The following MNT variants were observed in gnomAD, a reference collection of about 807,000 sequenced individuals.
The protein encoded by MNT is max-binding protein MNT.
A neutral mutation model predicts 40.7 loss-of-function variants in MNT; 13 were observed. That is an observed-to-expected ratio of 0.32 (90% CI 0.21 to 0.51). The LOEUF is 0.51. Ranked by LOEUF, MNT falls within the 20% of genes least tolerant of loss-of-function variation. The probability of loss-of-function intolerance (pLI) is 0.98; values close to 1 mark genes in which losing one functional copy is unlikely to be tolerated. For synonymous variants in MNT, 426 were observed against 354.8 expected (o/e 1.20, Z -2.26); for missense variants, 757 against 792.0 (o/e 0.96, Z 0.53).
intron 1 of MNT, 21 bp from the exon 2 acceptor site, chr17:2,395,475 G>C (rs368248365): frequency 4.1e-5 from 66 of 1,608,702 alleles, no homozygotes; most frequent in Non-Finnish European, 5.2e-5. Context: ...AGAACACAAG[G>C]GGGGGAGGGT....
intron 1 of MNT, among the ~76,000 whole-genome samples, chr17:2,399,183 G>A (rs1303778049): frequency 1.3e-5 from 2 of 152,074 alleles, no homozygotes; most frequent in Non-Finnish European, 2.9e-5. Context: ...GGGCGGGGAG[G>A]GCACAGGAGT....
intron 4 of MNT, among the ~76,000 whole-genome samples, chr17:2,388,612 C>T (rs996154700): frequency 1.3e-5 from 2 of 152,082 alleles, no homozygotes; most frequent in African/African-American, 4.8e-5. Flanking sequence ...CGCTTCTCGA[C>T]GAGGCTCCAT....
rs1449353076 is a variant in MNT at position 2,400,761 on chromosome 17, G to A, written c.-49C>T. The A allele has an allele frequency of 6.1e-6, 9 of 1,477,224 alleles. No individual in the cohort carries two copies. The highest frequency in any genetic ancestry group is 2.8e-5 in the East Asian group (1 of 35,248). 91.5% of individuals were successfully genotyped at this position (1,477,224 alleles called of 1,614,324 possible). A position where few individuals can be genotyped will look rare whatever the true frequency, so the allele number is the denominator to read the frequency against. ...CGCCGGGGCCGAGGCTGCGGCCCGC[G>A]AGCCGGGCACAGGTCAGGCTGGCGG... On this transcript the variant is annotated 5_prime_UTR_variant, in exon 1 of 6. Coordinates refer to ENST00000174618, the MANE Select transcript of MNT (RefSeq NM_020310.3).
intron 4 of MNT, chr17:2,393,824 CG>C: frequency 8.2e-6 from 2 of 242,598 alleles, no homozygotes; most frequent in African/African-American, 2.3e-5. Flanking sequence ...TCGGGAGCGG[CG>C]CGGGAGGGGA....
At position 2,386,664 on chromosome 17, in the gene MNT, G is replaced by A; in HGVS notation, c.*237C>T. The A allele has an allele frequency of 2.1e-6, 1 of 468,140 alleles. No homozygotes were observed. The highest frequency in any genetic ancestry group is 3.7e-6 in the Non-Finnish European group (1 of 267,220). The allele number at this position is 468,140 out of a possible 1,614,324, so 29.0% of individuals were successfully genotyped here. A position where few individuals can be genotyped will look rare whatever the true frequency, so the allele number is the denominator to read the frequency against. On this transcript the variant is annotated 3_prime_UTR_variant, in exon 6 of 6. Coordinates refer to ENST00000174618, the MANE Select transcript of MNT (RefSeq NM_020310.3). ...GGAGCTGGCACTGGGCCGGACAGGTGGCACATTCCATCAGAGTCTCGCATT... is the reference window on the plus strand; with the variant it reads ...GGAGCTGGCACTGGGCCGGACAGGTAGCACATTCCATCAGAGTCTCGCATT...
chr17:2,386,955 A>C lies in MNT; in HGVS notation c.1695T>G (p.Pro565=), dbSNP rs1184091632. 2 of 1,505,620 alleles carry C rather than the reference A, an allele frequency of 1.3e-6. No homozygotes were observed. The highest frequency in any genetic ancestry group is 4.7e-5 in the East Asian group (2 of 42,448). 93.3% of individuals were successfully genotyped at this position (1,505,620 alleles called of 1,614,324 possible). ...AGGAGGGCATGGTGACCATGGTCAC[A>C]GGGTTGAGCACGGTCTGGCCCACCA... is the stretch of plus-strand genomic sequence containing the variant. The part of the protein sequence containing the change: ...PQLVGQTVLN[P]VTMVTMPSFP... The change falls in exon 6 of 6, where the codon CCT becomes CCG. Residue 565 remains proline, a synonymous_variant. Transcript: ENST00000174618.
At chr17:2,388,097 G>A in intron 4 of MNT, 48 bp from the exon 5 acceptor site, 1 of 1,495,916 alleles carries the variant, frequency 6.7e-7, no homozygotes, top group Non-Finnish European at 9.0e-7. Flanking sequence ...CAGCAGCCTT[G>A]GGGCCCAAAG....
intron 4 of MNT, chr17:2,388,368 G>A (rs1199010495): frequency 8.9e-6 from 3 of 336,136 alleles, no homozygotes; most frequent in Non-Finnish European, 1.6e-5. Context: ...TCCTCCAGCA[G>A]CCTCTTCACT....
At position 2,395,437 on chromosome 17, in the gene MNT, G is replaced by C; in HGVS notation, c.91C>G (p.Arg31Gly). The C allele has an allele frequency of 1.9e-6, 3 of 1,612,490 alleles. No individual in the cohort carries two copies. Among genetic ancestry groups the C allele is most frequent in the Non-Finnish European group, 1.7e-6 (2 of 1,179,600 alleles). ...QRAREEQERL[R>G]LEQEREQEQK... ...TCCTGCTCTCGCTCCTGCTCCAAGC[G>C]AAGCCGCTCCTGCTCCTCTACACAG... The change falls in exon 2 of 6, where the codon CGC becomes GGC. Residue 31 changes from arginine (R) to glycine (G), a missense_variant. By Grantham distance (125) the Arg-to-Gly change is moderately radical. Coordinates refer to ENST00000174618, the MANE Select transcript of MNT (RefSeq NM_020310.3).
At chr17:2,394,225 G>A in intron 3 of MNT, 71 bp from the exon 4 acceptor site, 1 of 1,594,368 alleles carries the variant, frequency 6.3e-7, no homozygotes, top group Non-Finnish European at 8.5e-7. Flanking sequence ...CAGGACCGGG[G>A]AAGCTGGGGC....
At chr17:2,390,818 A>C (rs1462388086) in intron 4 of MNT, 6 of 152,250 alleles carry the variant, frequency 3.9e-5, no homozygotes, top group Admixed American at 3.9e-4. Flanking sequence ...CCGGCAACAC[A>C]TAACCCAGGT....
intron 1 of MNT, 27 bp from the exon 2 acceptor site, chr17:2,395,481 A>G (rs1443564610): frequency 1.2e-6 from 2 of 1,606,514 alleles, no homozygotes; most frequent in South Asian, 2.2e-5. Flanking sequence ...CAAGGGGGGG[A>G]GGGTCTCAGC....
chr17:2,386,541 G>A lies in MNT; in HGVS notation c.*360C>T, dbSNP rs1176929404. On this transcript the variant is annotated 3_prime_UTR_variant, in exon 6 of 6. Coordinates refer to ENST00000174618, the MANE Select transcript of MNT (RefSeq NM_020310.3). The stretch of plus-strand genomic sequence containing the variant: ...TCACCAGACAGCAATAGCAGCAGCA[G>A]CACACGAAGGCGGGGCAGGGCGGGG... The A allele has an allele frequency of 4.1e-6, 1 of 246,150 alleles. No individual in the cohort carries two copies. The highest frequency in any genetic ancestry group is 7.8e-6 in the Non-Finnish European group (1 of 127,688). The allele number at this position is 246,150 out of a possible 1,614,324, so 15.2% of individuals were successfully genotyped here.
chr17:2,393,447 C>A (rs894514376), intron 4 of MNT, among the ~76,000 whole-genome samples: 1 of 152,244 alleles, frequency 6.6e-6, no homozygotes, highest in Non-Finnish European at 1.5e-5. Flanking sequence ...GGCTCGGCGG[C>A]CCCGGGGCTG....
rs2066452750 is a variant in MNT at position 2,385,759 on chromosome 17, T to A, written c.*1142A>T. 6.6e-6 allele frequency: 1 copy of A among 152,270 alleles called. No individual in the cohort carries two copies. Among genetic ancestry groups the A allele is most frequent in the Admixed American group, 6.5e-5 (1 of 15,284 alleles). 9.4% of individuals were successfully genotyped at this position (152,270 alleles called of 1,614,324 possible). On this transcript the variant is annotated 3_prime_UTR_variant, in exon 6 of 6. Transcript: ENST00000174618. Reference sequence around the variant, plus strand: ...GCCCTAGCTCTGGCCCTCTGTTCTGTATAGGTCCCAGGGTTGGTCTGGGGA... The same window carrying A: ...GCCCTAGCTCTGGCCCTCTGTTCTGAATAGGTCCCAGGGTTGGTCTGGGGA...
At chr17:2,397,196 C>T (rs2066584223) in intron 1 of MNT, among the ~76,000 whole-genome samples, 2 of 152,190 alleles carry the variant, frequency 1.3e-5, no homozygotes, top group African/African-American at 4.8e-5. Context: ...CAGGCCTGCT[C>T]CAGTGCGGGG....
chr17:2,388,341 G>T, intron 4 of MNT: 1 of 387,206 alleles, frequency 2.6e-6, no homozygotes, highest in South Asian at 4.9e-5. Flanking sequence ...GGGCTTCTCC[G>T]CCTCTCGCCC....
At position 2,386,582 on chromosome 17, in the gene MNT, G is replaced by GT. The variant is rs2066463726; in HGVS notation, c.*318dup. The GT allele has an allele frequency of 6.2e-6, 2 of 323,460 alleles. No homozygotes were observed. The allele number at this position is 323,460 out of a possible 1,614,324, so 20.0% of individuals were successfully genotyped here. Reference sequence around the variant, plus strand: ...CAGGGCGGGGGAGAAGTCAGGGAGCGTGACGTCCACATCGCACTGATTTCC... The same window carrying GT: ...CAGGGCGGGGGAGAAGTCAGGGAGCGTTGACGTCCACATCGCACTGATTTCC... On this transcript the variant is annotated 3_prime_UTR_variant, in exon 6 of 6. Coordinates refer to ENST00000174618, the MANE Select transcript of MNT (RefSeq NM_020310.3).
At chr17:2,399,685 G>A (rs2066601578) in intron 1 of MNT, among the ~76,000 whole-genome samples, 2 of 152,140 alleles carry the variant, frequency 1.3e-5, no homozygotes, top group African/African-American at 4.8e-5. Flanking sequence ...GAGGCGGTGA[G>A]GAGGGGCCGG....
Sources: allele counts gnomAD v4.1 joint callset (sites outside exome capture counted in the v4.1 genomes callset), GRCh38; gene constraint gnomAD v4.1.1; transcripts MANE v1.5; gene names NCBI Gene and HGNC (gene_info 2026-07-23, HGNC 2026-07-21).